PRKG2: variants seen among roughly 807,000 people sequenced by gnomAD.
PRKG2 encodes the protein cGMP-dependent protein kinase 2.
In PRKG2, 33 loss-of-function variants were observed where a neutral mutation model predicts 97.2. The observed-to-expected ratio is 0.34, with a 90% CI of 0.26 to 0.45. The LOEUF (loss-of-function observed/expected upper bound fraction) is 0.45. Ranked by LOEUF, PRKG2 falls within the 20% of genes least tolerant of loss-of-function variation. The pLI is 1.00. For missense variants in PRKG2, 638 were observed against 900.0 expected, an observed-to-expected ratio of 0.71 and a Z score of 3.73; for synonymous variants, 330 against 321.8, an observed-to-expected ratio of 1.03 and a Z score of -0.27.
chr4:81,189,896 A>G (rs997336459), intron 2 of PRKG2, among the ~76,000 whole-genome samples: 1 of 152,188 alleles, frequency 6.6e-6, no homozygotes, highest in African/African-American at 2.4e-5. Flanking sequence ...CTTCATGGAG[A>G]ACTACAAACC....
intron 12 of PRKG2, among the ~76,000 whole-genome samples, chr4:81,139,880 G>A (rs1747100667): frequency 6.6e-6 from 1 of 152,016 alleles, no homozygotes; most frequent in Non-Finnish European, 1.5e-5. Context: ...GACTGGGTTG[G>A]AGAATCCAGA....
At chr4:81,153,987 A>G (rs1008522033) in intron 6 of PRKG2, 18 of 266,396 alleles carry the variant, frequency 6.8e-5, no homozygotes, top group African/African-American at 4.0e-4. Flanking sequence ...TCCCTTTCCT[A>G]GTCAAAGAAA....
In PRKG2 at chr4:81,171,672, G is replaced by A; in HGVS notation, c.742+19C>T. 3 of 1,547,704 alleles carry A rather than the reference G, an allele frequency of 1.9e-6. No individual in the cohort carries two copies. Among genetic ancestry groups the A allele is most frequent in the Non-Finnish European group, 2.7e-6 (3 of 1,131,914 alleles). ...CATGCCACAACAATTCAAAGATGGA[G>A]CATTTCCTCTTTTATTACCTTTCAC... On this transcript the variant is annotated intron_variant, in intron 4 of 18. Transcript: ENST00000264399.
chr4:81,161,267 C>T (rs1749572151), intron 6 of PRKG2, among the ~76,000 whole-genome samples: 1 of 152,098 alleles, frequency 6.6e-6, no homozygotes, highest in Non-Finnish European at 1.5e-5. Context: ...TGAAGCCAGA[C>T]AGGTCTATAT....
At chr4:81,123,245 A>G (rs776470690) in intron 14 of PRKG2, among the ~76,000 whole-genome samples, 1 of 152,262 alleles carries the variant, frequency 6.6e-6, no homozygotes, top group Admixed American at 6.5e-5. Flanking sequence ...TTAGGTAAAT[A>G]GAATATTAGG....
intron 1 of PRKG2, among the ~76,000 whole-genome samples, chr4:81,206,987 A>G (rs1484215420): frequency 6.6e-6 from 1 of 152,210 alleles, no homozygotes; most frequent in African/African-American, 2.4e-5. Context: ...AATTGCCTTA[A>G]TATGTTGCAG....
intron 2 of PRKG2, among the ~76,000 whole-genome samples, chr4:81,179,239 C>G (rs1038083181): frequency 6.6e-6 from 1 of 151,544 alleles, no homozygotes; most frequent in African/African-American, 2.4e-5. Flanking sequence ...ACAAAGAAAA[C>G]CATATCTAGG....
intron 2 of PRKG2, chr4:81,192,969 T>C (rs1752671363): frequency 6.6e-6 from 1 of 152,246 alleles, no homozygotes; most frequent in African/African-American, 2.4e-5. Context: ...TACAGTTGTA[T>C]TAGGCTCTCA....
At chr4:81,195,904 A>G (rs550283711) in intron 2 of PRKG2, among the ~76,000 whole-genome samples, 6 of 152,320 alleles carry the variant, frequency 3.9e-5, no homozygotes, top group African/African-American at 1.4e-4. Context: ...ATCTCACACC[A>G]GAGAAGCAAA....
At chr4:81,181,902 A>G (rs1210045705) in intron 2 of PRKG2, among the ~76,000 whole-genome samples, 1 of 151,978 alleles carries the variant, frequency 6.6e-6, no homozygotes, top group African/African-American at 2.4e-5. Context: ...AAATTTCTAG[A>G]AAAATAAACT....
At chr4:81,130,931 G>A (rs566830537) in intron 14 of PRKG2, among the ~76,000 whole-genome samples, 1 of 152,306 alleles carries the variant, frequency 6.6e-6, no homozygotes, top group East Asian at 1.9e-4. Context: ...CCATGGGGGT[G>A]GGATCCACTG....
chr4:81,139,401 C>T (rs1359672086), intron 12 of PRKG2, among the ~76,000 whole-genome samples: 1 of 152,064 alleles, frequency 6.6e-6, no homozygotes, highest in African/African-American at 2.4e-5. Flanking sequence ...ATTTTATATT[C>T]ATATATACAT....
chr4:81,195,147 G>A (rs1348051217), intron 2 of PRKG2, among the ~76,000 whole-genome samples: 1 of 152,086 alleles, frequency 6.6e-6, no homozygotes, highest in East Asian at 1.9e-4. Context: ...ATGCTCTACT[G>A]AAGGCTCATC....
At chr4:81,188,585 G>A (rs1752116169) in intron 2 of PRKG2, among the ~76,000 whole-genome samples, 1 of 135,050 alleles carries the variant, frequency 7.4e-6, no homozygotes, top group Admixed American at 7.0e-5. Context: ...TATGTTTATT[G>A]CGGCACTATT....
At chr4:81,095,835 G>A (rs78773797) in intron 17 of PRKG2, among the ~76,000 whole-genome samples, 33 of 152,158 alleles carry the variant, frequency 2.2e-4, no homozygotes, top group African/African-American at 8.0e-4. Flanking sequence ...AGATATTGAA[G>A]GTTCAGATCC....
rs138173865 is a variant in PRKG2, at chr4:81,147,993, G to A, written c.1154+891C>T. On this transcript the variant is annotated intron_variant, in intron 9 of 18. Transcript: ENST00000264399. ...TTGATCATTGTTTAACTTGCATTAT[G>A]GGTTCATGATACCATTCTATTTTTT... is the stretch of plus-strand genomic sequence containing the variant. 1.8e-3 allele frequency among the ~76,000 whole-genome samples: 266 copies of A among 151,998 alleles called. 1 individual carries two copies. Among genetic ancestry groups the A allele is most frequent in the African/African-American group, 6.1e-3 (252 of 41,484 alleles).
At chr4:81,127,834 G>T (rs1452660261) in intron 14 of PRKG2, among the ~76,000 whole-genome samples, 1 of 151,910 alleles carries the variant, frequency 6.6e-6, no homozygotes, top group Non-Finnish European at 1.5e-5. Flanking sequence ...CTTTCTCTTG[G>T]CTGATTGCCC....
At chr4:81,192,066 G>A (rs1178778592) in intron 2 of PRKG2, 1 of 152,142 alleles carries the variant, frequency 6.6e-6, no homozygotes, top group African/African-American at 2.4e-5. Context: ...TTAACCAAAT[G>A]CCTATAAATC....
In PRKG2 at chr4:81,205,052, C is replaced by T; in HGVS notation, c.-5G>A. The T allele has an allele frequency of 6.3e-7, 1 of 1,590,896 alleles. No homozygotes were observed. Among genetic ancestry groups the T allele is most frequent in the Non-Finnish European group, 8.6e-7 (1 of 1,168,052 alleles). On this transcript the variant is annotated 5_prime_UTR_variant, in exon 2 of 19. Coordinates refer to ENST00000264399, the MANE Select transcript of PRKG2 (RefSeq NM_006259.3). ...TTTCACTGAACCATTTCCCATTTTG[C>T]TCAGGGACCTGAGAAGGCACAGAAT...
Sources: allele counts gnomAD v4.1 joint callset (sites outside exome capture counted in the v4.1 genomes callset), GRCh38; gene constraint gnomAD v4.1.1; transcripts MANE v1.5; gene names NCBI Gene and HGNC (gene_info 2026-07-23, HGNC 2026-07-21).